Variants in KCNIP4 observed in about 807,000 individuals in gnomAD.
KCNIP4 encodes Kv channel-interacting protein 4.
In KCNIP4, 12 loss-of-function variants were observed where a neutral mutation model predicts 34.0. The ratio of observed to expected loss-of-function variants is 0.35; its 90% CI spans 0.23 to 0.57. The LOEUF is 0.57. Among genes scored for constraint, KCNIP4 ranks in the 20% least tolerant of loss-of-function variants. The pLI, the probability that KCNIP4 is intolerant of heterozygous loss-of-function variation, is 0.83. For synonymous variants in KCNIP4, 124 were observed against 102.2 expected, an observed-to-expected ratio of 1.21 and a Z score of -1.29; for missense variants, 238 against 311.7, an observed-to-expected ratio of 0.76 and a Z score of 1.78.
At chr4:21,371,572 A>C (rs1720456092) in intron 1 of KCNIP4, among the ~76,000 whole-genome samples, 1 of 147,104 alleles carries the variant, frequency 6.8e-6, no homozygotes, top group Non-Finnish European at 1.5e-5. Flanking sequence ...TTTCCTCATA[A>C]AGAAAATGAA....
intron 1 of KCNIP4, among the ~76,000 whole-genome samples, chr4:21,665,105 G>T (rs6822306): frequency 6.6e-6 from 1 of 152,122 alleles, no homozygotes; most frequent in Admixed American, 6.5e-5. Context: ...CTGACATATA[G>T]TGGGCTCTCA....
intron 3 of KCNIP4, among the ~76,000 whole-genome samples, chr4:20,836,501 T>G (rs1225289920): frequency 1.3e-5 from 2 of 152,186 alleles, no homozygotes; most frequent in East Asian, 3.9e-4. Flanking sequence ...AAGAATTGGC[T>G]AATGTGATTA....
At chr4:21,879,392 G>A (rs774114836) in intron 1 of KCNIP4, among the ~76,000 whole-genome samples, 13 of 152,200 alleles carry the variant, frequency 8.5e-5, no homozygotes, top group African/African-American at 1.4e-4. Context: ...CAGAGGCCGC[G>A]GACCTGTGAG....
rs536121207 is a variant in KCNIP4 at position 20,823,497 on chromosome 4, G to A, written c.288+27046C>T. On this transcript the variant is annotated intron_variant, in intron 3 of 8. Coordinates refer to ENST00000382152, the MANE Select transcript of KCNIP4 (RefSeq NM_025221.6). ...TGGGGTTATGAAGTGGGACCTTTGGGAGGTCATTAGGTCATGAGGGTGTAG... is the reference window on the plus strand; with the variant it reads ...TGGGGTTATGAAGTGGGACCTTTGGAAGGTCATTAGGTCATGAGGGTGTAG... Among the ~76,000 whole-genome samples, 4 of 152,178 alleles carry A rather than the reference G, an allele frequency of 2.6e-5. No homozygotes were observed. The South Asian group carries it at 6.2e-4, about 24-fold the overall frequency.
Position 21,431,098 on chromosome 4 carries a change from T to C in KCNIP4, c.61+517473A>G, listed in dbSNP as rs115675055. Among the ~76,000 whole-genome samples, 864 of 152,012 alleles carry C rather than the reference T, an allele frequency of 5.7e-3. 5 individuals carry two copies. The highest frequency in any genetic ancestry group is 0.017 in the African/African-American group (725 of 41,506). On this transcript the variant is annotated intron_variant, in intron 1 of 8. Transcript: ENST00000382152. The stretch of plus-strand genomic sequence containing the variant: ...GAGGTTGATTGTCACAAACTTGCCA[T>C]GAGCATTTCTTCAATAATATATATT...
intron 1 of KCNIP4, among the ~76,000 whole-genome samples, chr4:21,482,557 T>A (rs555648744): frequency 1.3e-5 from 2 of 152,276 alleles, no homozygotes; most frequent in South Asian, 4.1e-4. Flanking sequence ...ATTTTATTTC[T>A]CCTTCACTTA....
intron 1 of KCNIP4, among the ~76,000 whole-genome samples, chr4:21,641,947 A>G (rs546709652): frequency 5.3e-5 from 8 of 152,270 alleles, no homozygotes; most frequent in Non-Finnish European, 8.8e-5. Flanking sequence ...ACCTGGTGGC[A>G]GGTTGATTAC....
At chr4:21,403,153 A>G (rs1723684815) in intron 1 of KCNIP4, among the ~76,000 whole-genome samples, 2 of 152,214 alleles carry the variant, frequency 1.3e-5, no homozygotes, top group Admixed American at 6.5e-5. Context: ...GATACTCTTG[A>G]CAAAGCTTTC....
At chr4:20,789,830 G>A (rs1712495074) in intron 3 of KCNIP4, among the ~76,000 whole-genome samples, 2 of 151,532 alleles carry the variant, frequency 1.3e-5, no homozygotes, top group African/African-American at 4.9e-5. Context: ...TGTAAATCAT[G>A]AGCTGAATCA....
chr4:20,859,283 G>A (rs549578946), intron 2 of KCNIP4, among the ~76,000 whole-genome samples: 2 of 152,258 alleles, frequency 1.3e-5, no homozygotes, highest in South Asian at 2.1e-4. Context: ...ATGTTTGTTT[G>A]AGACAAAAAC....
At chr4:21,044,564 C>G (rs1246816243) in intron 1 of KCNIP4, among the ~76,000 whole-genome samples, 3 of 152,174 alleles carry the variant, frequency 2.0e-5, no homozygotes, top group African/African-American at 7.2e-5. Flanking sequence ...CCCGCCTTGG[C>G]CTCCCAAAGT....
At position 21,445,300 on chromosome 4, in the gene KCNIP4, G is replaced by C. The variant is rs983607652; in HGVS notation, c.61+503271C>G. On this transcript the variant is annotated intron_variant, in intron 1 of 8. Coordinates refer to ENST00000382152, the MANE Select transcript of KCNIP4 (RefSeq NM_025221.6). Reference sequence around the variant, plus strand: ...TTAAAGTTCATATGGAACCAAAAAAGAGCCTGCATTGCCAAGTTAATCGTA... The same window carrying C: ...TTAAAGTTCATATGGAACCAAAAAACAGCCTGCATTGCCAAGTTAATCGTA... 8.5e-5 allele frequency among the ~76,000 whole-genome samples: 13 copies of C among 152,126 alleles called. 1 individual carries two copies. In the East Asian group the frequency reaches 9.6e-4, roughly 11 times the overall value.
chr4:20,860,693 A>T (rs1722105772), intron 2 of KCNIP4, among the ~76,000 whole-genome samples: 1 of 152,174 alleles, frequency 6.6e-6, no homozygotes, highest in Admixed American at 6.5e-5. Context: ...CATAATGAGG[A>T]TGATCACTTT....
chr4:20,778,919 T>C (rs1042543087), intron 3 of KCNIP4, among the ~76,000 whole-genome samples: 2 of 152,082 alleles, frequency 1.3e-5, no homozygotes, highest in Non-Finnish European at 2.9e-5. Context: ...TGTCTTCTAA[T>C]GCATTTTTTA....
intron 2 of KCNIP4, among the ~76,000 whole-genome samples, chr4:20,866,761 A>G (rs973892168): frequency 6.6e-6 from 1 of 152,086 alleles, no homozygotes; most frequent in Non-Finnish European, 1.5e-5. Context: ...AGAAAATCCT[A>G]AAGATCCTTT....
chr4:21,449,327 A>G (rs1728311469), intron 1 of KCNIP4, among the ~76,000 whole-genome samples: 1 of 152,150 alleles, frequency 6.6e-6, no homozygotes, highest in Non-Finnish European at 1.5e-5. Context: ...CACCATTTGT[A>G]TGTTGGTAAC....
At chr4:21,489,279 G>C (rs916055308) in intron 1 of KCNIP4, among the ~76,000 whole-genome samples, 8 of 126,700 alleles carry the variant, frequency 6.3e-5, no homozygotes, top group Non-Finnish European at 1.3e-4. Context: ...GAAAAAGAGA[G>C]AATCCCAGCC....
At chr4:21,691,509 T>C (rs900712605) in intron 1 of KCNIP4, among the ~76,000 whole-genome samples, 10 of 152,132 alleles carry the variant, frequency 6.6e-5, no homozygotes, top group African/African-American at 2.4e-4. Context: ...TAAGATCTCA[T>C]TCCTGCCAGA....
intron 1 of KCNIP4, among the ~76,000 whole-genome samples, chr4:21,702,812 T>C (rs4697233): frequency 0.69 from 105,033 of 151,914 alleles, 38,193 homozygotes; most frequent in African/African-American, 0.91. Context: ...AAGTAAAGTA[T>C]AGACAAATAT....
Sources: gnomAD v4.1 joint callset for allele counts (sites outside exome capture counted in the v4.1 genomes callset) on GRCh38, gnomAD v4.1.1 for gene constraint, MANE v1.5 for transcripts, NCBI Gene and HGNC (gene_info 2026-07-23, HGNC 2026-07-21) for gene names.